The following NUBPL variants were observed in gnomAD, a reference collection of about 807,000 sequenced individuals.
NUBPL encodes the protein NUBP iron-sulfur cluster assembly factor, mitochondrial, also known as iron-sulfur cluster transfer protein NUBPL.
A neutral mutation model predicts 45.7 loss-of-function variants in NUBPL; 31 were observed. The ratio of observed to expected loss-of-function variants is 0.68; its 90% CI spans 0.51 to 0.92. NUBPL has a LOEUF of 0.92. Ranked by LOEUF, NUBPL falls within the 40% of genes least tolerant of loss-of-function variation. The pLI is 0.00. For synonymous variants in NUBPL, 144 were observed against 140.9 expected (o/e 1.02, Z -0.15); for missense variants, 401 against 398.7 (o/e 1.01, Z -0.05).
chr14:31,850,074 T>C (rs747949060), intron 9 of NUBPL, 45 bp from the exon 10 acceptor site: 16 of 1,428,404 alleles, frequency 1.1e-5, no homozygotes, highest in East Asian at 2.3e-5. Flanking sequence ...AAAATGCCTA[T>C]ATGAACTTTT....
Position 31,715,224 on chromosome 14 carries a change from CCT to C in NUBPL, c.513+41655_513+41656del, listed in dbSNP as rs1187907667. ...TTCTCTTGTGGCGTCTACCTTTTAT[CCT>C]CTCTTTCTCATTCTGCTTTATAGTT... On this transcript the variant is annotated intron_variant, in intron 6 of 10. Transcript: ENST00000281081. Among the ~76,000 whole-genome samples the C allele has an allele frequency of 7.2e-5, 11 of 152,270 alleles. No homozygotes were observed. The South Asian group carries it at 1.0e-3, about 14-fold the overall frequency.
chr14:31,832,949 T>A (rs1312261154), intron 8 of NUBPL, among the ~76,000 whole-genome samples: 1 of 152,248 alleles, frequency 6.6e-6, no homozygotes, highest in East Asian at 1.9e-4. Context: ...AAGCACTCAA[T>A]GTTTACATAA....
chr14:31,666,226 AAGAT>A (rs1487505069), intron 4 of NUBPL, among the ~76,000 whole-genome samples: 1 of 53,518 alleles, frequency 1.9e-5, no homozygotes, highest in African/African-American at 6.2e-5. Context: ...ATTTATATTT[AAGAT>A]ATATATATAT....
At chr14:31,819,999 G>A (rs1322229349) in intron 7 of NUBPL, among the ~76,000 whole-genome samples, 3 of 151,914 alleles carry the variant, frequency 2.0e-5, no homozygotes, top group Non-Finnish European at 4.4e-5. Context: ...AATTACCTGG[G>A]CATGGTGGCG....
Position 31,569,496 on chromosome 14 carries a change from C to T in NUBPL, c.291+4448C>T, listed in dbSNP as rs531998711. Reference sequence around the variant, plus strand: ...ACAGGTGTGAGCCACCATGCCTGGCCTGCATTGAGGTTTTAAAAGCATTAT... The same window carrying T: ...ACAGGTGTGAGCCACCATGCCTGGCTTGCATTGAGGTTTTAAAAGCATTAT... On this transcript the variant is annotated intron_variant, in intron 3 of 10. Coordinates refer to ENST00000281081, the MANE Select transcript of NUBPL (RefSeq NM_025152.3). Among the ~76,000 whole-genome samples the T allele has an allele frequency of 3.3e-5, 5 of 152,292 alleles. No homozygotes were observed. The East Asian group carries it at 5.8e-4, about 18-fold the overall frequency.
chr14:31,724,192 T>C (rs1001936282), intron 6 of NUBPL, among the ~76,000 whole-genome samples: 2 of 152,210 alleles, frequency 1.3e-5, no homozygotes, highest in Non-Finnish European at 2.9e-5. Context: ...GGCTAGTGTA[T>C]GTCTTGGCTT....
chr14:31,648,965 C>A (rs1238593810), intron 4 of NUBPL, among the ~76,000 whole-genome samples: 2 of 133,572 alleles, frequency 1.5e-5, no homozygotes, highest in Non-Finnish European at 3.5e-5. Flanking sequence ...CCCACCACTA[C>A]ACCTGGCTAA....
intron 3 of NUBPL, among the ~76,000 whole-genome samples, chr14:31,568,804 G>A (rs1040251604): frequency 2.0e-5 from 3 of 152,114 alleles, no homozygotes; most frequent in Admixed American, 2.0e-4. Context: ...TGTAGGCCTA[G>A]GGGAAACAGG....
intron 4 of NUBPL, among the ~76,000 whole-genome samples, chr14:31,648,485 C>T (rs759598639): frequency 1.3e-5 from 2 of 152,006 alleles, no homozygotes; most frequent in Non-Finnish European, 1.5e-5. Flanking sequence ...AAAGTAAATC[C>T]ATCAGTACTA....
intron 6 of NUBPL, among the ~76,000 whole-genome samples, chr14:31,719,401 C>G (rs969678648): frequency 5.3e-5 from 8 of 151,490 alleles, no homozygotes; most frequent in African/African-American, 1.9e-4. Context: ...AGTATATAGA[C>G]ATAAGTCATA....
intron 6 of NUBPL, among the ~76,000 whole-genome samples, chr14:31,705,500 T>G (rs1183786838): frequency 6.6e-6 from 1 of 152,106 alleles, no homozygotes; most frequent in African/African-American, 2.4e-5. Context: ...TGCTGATTGG[T>G]GCATTTACAA....
intron 4 of NUBPL, among the ~76,000 whole-genome samples, chr14:31,644,291 C>G (rs554975883): frequency 6.6e-6 from 1 of 152,032 alleles, no homozygotes; most frequent in African/African-American, 2.4e-5. Context: ...GTGTTTATTG[C>G]TATAGACTTC....
chr14:31,647,158 G>A (rs1055090507), intron 4 of NUBPL, among the ~76,000 whole-genome samples: 5 of 151,974 alleles, frequency 3.3e-5, no homozygotes, highest in Non-Finnish European at 7.4e-5. Flanking sequence ...GTGCTATTTT[G>A]AATTCTCGGT....
chr14:31,610,955 A>G (rs2034741083), intron 4 of NUBPL, among the ~76,000 whole-genome samples: 1 of 152,188 alleles, frequency 6.6e-6, no homozygotes, highest in Non-Finnish European at 1.5e-5. Flanking sequence ...CATGTATGAC[A>G]GACCCTCAGC....
At chr14:31,624,500 A>G (rs2035152849) in intron 4 of NUBPL, among the ~76,000 whole-genome samples, 1 of 152,182 alleles carries the variant, frequency 6.6e-6, no homozygotes, top group Non-Finnish European at 1.5e-5. Context: ...AGTTGAGATC[A>G]ATGAATCTCA....
chr14:31,771,892 T>G, intron 6 of NUBPL: 2 of 985,228 alleles, frequency 2.0e-6, no homozygotes, highest in Non-Finnish European at 2.4e-6. Context: ...AACTGAGGAA[T>G]AAACTTGGTT....
At chr14:31,779,313 G>A (rs2039151770) in intron 6 of NUBPL, among the ~76,000 whole-genome samples, 1 of 151,750 alleles carries the variant, frequency 6.6e-6, no homozygotes, top group Non-Finnish European at 1.5e-5. Flanking sequence ...ACTCCAGCCT[G>A]GGCAACAAGA....
intron 6 of NUBPL, among the ~76,000 whole-genome samples, chr14:31,762,600 A>T (rs1401045606): frequency 3.3e-5 from 5 of 152,186 alleles, no homozygotes; most frequent in African/African-American, 1.2e-4. Context: ...ACAAAAATAC[A>T]AATTTAGGAG....
At chr14:31,579,043 T>TC (rs1353292292) in intron 3 of NUBPL, among the ~76,000 whole-genome samples, 1 of 152,220 alleles carries the variant, frequency 6.6e-6, no homozygotes, top group Non-Finnish European at 1.5e-5. Context: ...AAGTCTAGGT[T>TC]CCCTGCATGG....
Sources: allele counts gnomAD v4.1 joint callset (sites outside exome capture counted in the v4.1 genomes callset), GRCh38; gene constraint gnomAD v4.1.1; transcripts MANE v1.5; gene names NCBI Gene and HGNC (gene_info 2026-07-23, HGNC 2026-07-21).